PLIN2: variants seen among roughly 807,000 people sequenced by gnomAD.
PLIN2 encodes perilipin 2.
Under a neutral mutation model 30.6 loss-of-function variants are expected in PLIN2, and 33 were observed. The observed-to-expected ratio is 1.08, with a 90% CI of 0.82 to 1.44. The LOEUF is 1.44. Ranked by LOEUF, PLIN2 falls within the 40% of genes most tolerant of loss-of-function variation. PLIN2 has a pLI of 0.00. For synonymous variants in PLIN2, 205 were observed against 201.1 expected, an observed-to-expected ratio of 1.02 and a Z score of -0.16; for missense variants, 610 against 531.8, an observed-to-expected ratio of 1.15 and a Z score of -1.45.
In PLIN2 at chr9:19,126,383, C is replaced by G. The variant is rs1192071756; in HGVS notation, c.30+14G>C. ...AAGGAGAGAAAGTAGACAAAGGCTA[C>G]TCAAAATTCATACCGGTTGTGGATC... On this transcript the variant is annotated intron_variant, in intron 2 of 7. Transcript: ENST00000276914. 1 of 1,614,012 alleles carries G rather than the reference C, an allele frequency of 6.2e-7. No homozygotes were observed. Among genetic ancestry groups the G allele is most frequent in the Admixed American group, 1.7e-5 (1 of 60,008 alleles).
chr9:19,118,567 T>A (rs563005360), intron 6 of PLIN2, 112 bp from the exon 7 acceptor site: 1 of 884,098 alleles, frequency 1.1e-6, no homozygotes, highest in Non-Finnish European at 1.7e-6. Context: ...TTTCCTGGAG[T>A]TGAATAAGAT....
At position 19,121,136 on chromosome 9, in the gene PLIN2, A is replaced by G. The variant is rs199705746; in HGVS notation, c.339T>C (p.Thr113=). The G allele has an allele frequency of 1.7e-5, 27 of 1,614,060 alleles. No individual in the cohort carries two copies. The highest frequency in any genetic ancestry group is 2.2e-5 in the Non-Finnish European group (26 of 1,180,042). ...TAGTCGTCACAGCATCTTTTGCCCCAGTCACAGCGCCTTTGGCATTGGCAA... is the reference window on the plus strand; with the variant it reads ...TAGTCGTCACAGCATCTTTTGCCCCGGTCACAGCGCCTTTGGCATTGGCAA... ...QIVANAKGAV[T]GAKDAVTTTV... Residue 113 remains threonine, a synonymous_variant, in exon 5 of 8, where the codon ACT becomes ACC. Transcript: ENST00000276914.
At position 19,116,334 on chromosome 9, in the gene PLIN2, T is replaced by G; in HGVS notation, c.1228A>C (p.Thr410Pro). ...TGGTCCTGAGCATTCTGAGACTCAG[T>G]CAGCTGAGGATAAAAGGGACCTACC... ...WLVGPFYPQL[T>P]ESQNAQDQGA... is the part of the protein sequence containing the mutation. Residue 410 changes from threonine (T) to proline (P), a missense_variant, in exon 8 of 8, where the codon ACT (threonine) becomes CCT (proline). Physicochemically the swap from Thr to Pro is conservative, Grantham distance 38. Coordinates refer to ENST00000276914, the MANE Select transcript of PLIN2 (RefSeq NM_001122.4). The G allele has an allele frequency of 6.2e-7, 1 of 1,614,024 alleles. No individual in the cohort carries two copies. The highest frequency in any genetic ancestry group is 8.5e-7 in the Non-Finnish European group (1 of 1,179,956).
downstream of PLIN2, among the ~76,000 whole-genome samples, chr9:19,115,118 T>G (rs943687610): frequency 1.1e-4 from 17 of 152,182 alleles, no homozygotes; most frequent in Non-Finnish European, 2.4e-4. Flanking sequence ...TTCAGTGAGG[T>G]AGTCAGACAT....
At chr9:19,120,748 T>C (rs1329947874) in intron 5 of PLIN2, 132 bp downstream of exon 5, 1 of 680,442 alleles carries the variant, frequency 1.5e-6, no homozygotes, top group Non-Finnish European at 2.5e-6. Context: ...GTAGCAGAAG[T>C]GTTCTGAAAC....
rs1191616961 is a variant in PLIN2 at position 19,120,920 on chromosome 9, C to T, written c.555G>A (p.Leu185=). 2.5e-6 allele frequency: 4 copies of T among 1,614,040 alleles called. No individual in the cohort carries two copies. Among genetic ancestry groups the T allele is most frequent in the Non-Finnish European group, 3.4e-6 (4 of 1,179,880 alleles). The change falls in exon 5 of 8, where the codon CTG becomes CTA. Residue 185 remains leucine, a synonymous_variant. Coordinates refer to ENST00000276914, the MANE Select transcript of PLIN2 (RefSeq NM_001122.4). ...GVENALTKSE[L]LVEQYLPLTE... is the part of the protein sequence containing the mutation. ...TGAGAGGGAGGTACTGTTCTACCAA[C>T]AGCTCTGATTTGGTGAGTGCATTTT... is the stretch of plus-strand genomic sequence containing the variant.
chr9:19,113,555 A>C (rs1157407066), downstream of PLIN2, among the ~76,000 whole-genome samples: 8 of 151,800 alleles, frequency 5.3e-5, no homozygotes, highest in African/African-American at 7.3e-5. Flanking sequence ...CAATGAGAAG[A>C]AAAAATTTGT....
chr9:19,113,573 TA>T, downstream of PLIN2, among the ~76,000 whole-genome samples: 2 of 146,434 alleles, frequency 1.4e-5, no homozygotes, highest in South Asian at 4.3e-4. Flanking sequence ...TGTAACTTGA[TA>T]AAAACTTTTT....
At chr9:19,108,933 C>T (rs1055545765) in intron 2 of PLIN2, among the ~76,000 whole-genome samples, 6 of 152,140 alleles carry the variant, frequency 3.9e-5, no homozygotes, top group Non-Finnish European at 7.4e-5. Flanking sequence ...CTAAGGAAAC[C>T]TTTTAAAAAG....
intron 5 of PLIN2, 23 bp downstream of exon 5, chr9:19,120,857 T>G: frequency 6.3e-7 from 1 of 1,576,350 alleles, no homozygotes; most frequent in Non-Finnish European, 8.7e-7. Context: ...TAAAACAGTA[T>G]TTCAAGATAA....
intron 2 of PLIN2, among the ~76,000 whole-genome samples, chr9:19,109,727 G>A (rs1588638757): frequency 6.6e-6 from 1 of 151,898 alleles, no homozygotes; most frequent in African/African-American, 2.4e-5. Context: ...CAACACTTTG[G>A]CAGGTGGATC....
At chr9:19,115,267 C>T (rs138895611), downstream of PLIN2, among the ~76,000 whole-genome samples, 617 of 150,904 alleles carry the variant, frequency 4.1e-3, 3 homozygotes, top group African/African-American at 0.014. Flanking sequence ...TATCAAGCAT[C>T]CTATTTTTTT....
downstream of PLIN2, among the ~76,000 whole-genome samples, chr9:19,112,739 A>G (rs1259824232): frequency 6.6e-6 from 1 of 151,000 alleles, no homozygotes; most frequent in African/African-American, 2.4e-5. Context: ...CCAGAACACC[A>G]CAAATCCTGA....
intron 6 of PLIN2, 106 bp from the exon 7 acceptor site, chr9:19,118,561 C>A: frequency 1.0e-6 from 1 of 995,680 alleles, no homozygotes; most frequent in East Asian, 2.5e-5. Flanking sequence ...TAAGAATTTC[C>A]TGGAGTTGAA....
chr9:19,126,571 C>G (rs1588649275), intron 1 of PLIN2, 123 bp from the exon 2 acceptor site: 6 of 648,286 alleles, frequency 9.3e-6, no homozygotes, highest in Admixed American at 2.7e-5. Flanking sequence ...TAGTCTTCTG[C>G]ACTTCTTTCC....
intron 7 of PLIN2, 43 bp from the exon 8 acceptor site, chr9:19,116,692 A>G (rs1240427651): frequency 6.4e-7 from 1 of 1,563,564 alleles, no homozygotes; most frequent in East Asian, 2.3e-5. Context: ...CAACAGTGCT[A>G]TGTATAAATT....
chr9:19,118,556 A>C, intron 6 of PLIN2, 101 bp from the exon 7 acceptor site: 2 of 1,047,746 alleles, frequency 1.9e-6, no homozygotes, highest in Non-Finnish European at 2.7e-6. Flanking sequence ...AAAACTAAGA[A>C]TTTCCTGGAG....
At chr9:19,125,805 C>A in intron 3 of PLIN2, 1 of 227,964 alleles carries the variant, frequency 4.4e-6, no homozygotes, top group East Asian at 9.3e-5. Flanking sequence ...AGCCTGTAGT[C>A]CCAGCTACTC....
At chr9:19,123,122 C>A in intron 4 of PLIN2, 1 of 501,002 alleles carries the variant, frequency 2.0e-6, no homozygotes, top group South Asian at 2.8e-5. Context: ...AGGACATTAT[C>A]TGAACCAAAG....
Sources: allele counts gnomAD v4.1 joint callset (sites outside exome capture counted in the v4.1 genomes callset), GRCh38; gene constraint gnomAD v4.1.1; transcripts MANE v1.5; gene names NCBI Gene and HGNC (gene_info 2026-07-23, HGNC 2026-07-21).